DCC: variants seen among roughly 807,000 people sequenced by gnomAD.
DCC encodes the protein DCC netrin 1 receptor.
In DCC, 58 loss-of-function variants were observed where a neutral mutation model predicts 172.5. The observed-to-expected ratio is 0.34, with a 90% CI of 0.27 to 0.42. The LOEUF (loss-of-function observed/expected upper bound fraction) is 0.42. Ranked by LOEUF, DCC falls within the 10% of genes least tolerant of loss-of-function variation. DCC has a pLI of 1.00. For synonymous variants in DCC, 709 were observed against 644.5 expected (o/e 1.10, Z -1.52); for missense variants, 1,740 against 1,791.0 (o/e 0.97, Z 0.51).
intron 11 of DCC, among the ~76,000 whole-genome samples, chr18:53,215,305 G>A (rs68048120): frequency 5.3e-5 from 8 of 151,880 alleles, no homozygotes; most frequent in East Asian, 1.9e-4. Context: ...GTTCTCTTGC[G>A]TAACAGTTTT....
chr18:52,613,821 A>G (rs924620791), intron 1 of DCC, among the ~76,000 whole-genome samples: 1 of 152,124 alleles, frequency 6.6e-6, no homozygotes, highest in African/African-American at 2.4e-5. Flanking sequence ...GAGCAAACAA[A>G]CGGACACACG....
At chr18:52,724,395 C>T (rs1285630828) in intron 1 of DCC, among the ~76,000 whole-genome samples, 1 of 152,118 alleles carries the variant, frequency 6.6e-6, no homozygotes, top group African/African-American at 2.4e-5. Context: ...GTGATCCTCC[C>T]AACTCAGATT....
At chr18:52,873,790 G>T (rs60460659) in intron 2 of DCC, among the ~76,000 whole-genome samples, 12,081 of 152,178 alleles carry the variant, frequency 0.079, 855 homozygotes, top group East Asian at 0.3. Flanking sequence ...AATGATATGA[G>T]TATAGATGAG....
intron 2 of DCC, among the ~76,000 whole-genome samples, chr18:52,813,611 CAG>C (rs771591810): frequency 1.3e-4 from 20 of 151,892 alleles, no homozygotes; most frequent in Non-Finnish European, 2.8e-4. Context: ...GACTGGTACA[CAG>C]TGTGCCCAGA....
At chr18:53,341,776 A>G (rs2057662912) in intron 15 of DCC, among the ~76,000 whole-genome samples, 1 of 152,320 alleles carries the variant, frequency 6.6e-6, no homozygotes, top group Middle Eastern at 3.4e-3. Context: ...CTTTATAAAG[A>G]TAAGGATTTA....
intron 12 of DCC, among the ~76,000 whole-genome samples, chr18:53,233,522 G>A (rs1374898240): frequency 4.0e-5 from 6 of 151,718 alleles, no homozygotes; most frequent in Admixed American, 6.6e-5. Context: ...TATTTCCTGC[G>A]GTTTCAAGGT....
At chr18:53,196,077 G>T (rs906200049) in intron 9 of DCC, among the ~76,000 whole-genome samples, 1 of 152,100 alleles carries the variant, frequency 6.6e-6, no homozygotes, top group Admixed American at 6.5e-5. Flanking sequence ...GGCTACCGTG[G>T]AATTATTTTT....
intron 2 of DCC, among the ~76,000 whole-genome samples, chr18:52,824,334 G>T (rs909216255): frequency 2.0e-5 from 3 of 152,158 alleles, no homozygotes; most frequent in Non-Finnish European, 2.9e-5. Flanking sequence ...AAAAACAGTG[G>T]TTGGAAAACA....
intron 1 of DCC, among the ~76,000 whole-genome samples, chr18:52,389,658 T>A (rs555088902): frequency 5.2e-4 from 79 of 152,258 alleles, no homozygotes; most frequent in Middle Eastern, 6.8e-3. Flanking sequence ...ACTTCTATGG[T>A]AGGAGTTACA....
At chr18:53,055,942 G>T (rs566239044) in intron 5 of DCC, among the ~76,000 whole-genome samples, 27 of 152,194 alleles carry the variant, frequency 1.8e-4, no homozygotes, top group African/African-American at 6.3e-4. Context: ...CTATCGGGTT[G>T]CATTTCTCAT....
intron 1 of DCC, among the ~76,000 whole-genome samples, chr18:52,642,286 A>G (rs1391813342): frequency 6.6e-6 from 1 of 151,880 alleles, no homozygotes; most frequent in African/African-American, 2.4e-5. Context: ...ATGCAAAGGC[A>G]TAAGAATGAT....
intron 1 of DCC, among the ~76,000 whole-genome samples, chr18:52,655,270 C>T (rs190683567): frequency 1.3e-5 from 2 of 152,210 alleles, no homozygotes; most frequent in Admixed American, 6.5e-5. Flanking sequence ...CCTACTAAGT[C>T]ACAGGTGAAC....
At chr18:52,955,150 A>G (rs1317086652) in intron 5 of DCC, among the ~76,000 whole-genome samples, 1 of 152,150 alleles carries the variant, frequency 6.6e-6, no homozygotes, top group African/African-American at 2.4e-5. Context: ...AATGACAAGT[A>G]TCCATTATAG....
At chr18:52,357,298 G>A (rs1984413186) in intron 1 of DCC, among the ~76,000 whole-genome samples, 1 of 152,076 alleles carries the variant, frequency 6.6e-6, no homozygotes, top group Non-Finnish European at 1.5e-5. Context: ...AGATAAGGCT[G>A]GAGCATCTTG....
chr18:52,510,718 C>T (rs1288710164), intron 1 of DCC, among the ~76,000 whole-genome samples: 1 of 152,130 alleles, frequency 6.6e-6, no homozygotes, highest in East Asian at 1.9e-4. Context: ...GTGCCCTTAT[C>T]GTAGGGAATG....
intron 26 of DCC, among the ~76,000 whole-genome samples, chr18:53,488,257 C>T (rs1326702265): frequency 6.6e-6 from 1 of 152,102 alleles, no homozygotes; most frequent in Non-Finnish European, 1.5e-5. Context: ...TGCCTATAGT[C>T]CCAGCTATTT....
At chr18:52,709,396 A>G (rs1378504630) in intron 1 of DCC, among the ~76,000 whole-genome samples, 2 of 152,226 alleles carry the variant, frequency 1.3e-5, no homozygotes, top group African/African-American at 2.4e-5. Context: ...TTAGGATAAT[A>G]GAGTAGTATC....
intron 1 of DCC, among the ~76,000 whole-genome samples, chr18:52,676,857 CA>C (rs2035654325): frequency 6.6e-6 from 1 of 152,174 alleles, no homozygotes; most frequent in Admixed American, 6.5e-5. Context: ...TCCTGGAGAT[CA>C]TGTTCCTTTT....
At chr18:53,053,693 T>C (rs1008545886) in intron 5 of DCC, among the ~76,000 whole-genome samples, 1 of 152,104 alleles carries the variant, frequency 6.6e-6, no homozygotes, top group Non-Finnish European at 1.5e-5. Flanking sequence ...TACTAGAAAA[T>C]ATTTGACTGA....
Sources: allele counts gnomAD v4.1 joint callset (sites outside exome capture counted in the v4.1 genomes callset), GRCh38; gene constraint gnomAD v4.1.1; transcripts MANE v1.5; gene names NCBI Gene and HGNC (gene_info 2026-07-23, HGNC 2026-07-21).